Variants in SCGB2B2 observed in about 807,000 individuals in gnomAD.
SCGB2B2 encodes secretoglobin family 2B member 2.
Under a neutral mutation model 7.6 loss-of-function variants are expected in SCGB2B2, and 11 were observed. The ratio of observed to expected loss-of-function variants is 1.45; its 90% CI spans 0.91 to 2.40. The LOEUF (loss-of-function observed/expected upper bound fraction) is 2.40. Among genes scored for constraint, SCGB2B2 ranks in the 30% most tolerant of loss-of-function variants. The pLI is 0.00. For missense variants in SCGB2B2, 104 were observed against 115.4 expected (o/e 0.90, Z 0.45); for synonymous variants, 50 against 48.6 (o/e 1.03, Z -0.12).
chr19:34,671,781 TA>T (rs2067809293), intron 1 of SCGB2B2, among the ~76,000 whole-genome samples: 2 of 152,242 alleles, frequency 1.3e-5, no homozygotes, highest in Non-Finnish European at 2.9e-5. Context: ...TACAGAAGTA[TA>T]ATTTTTTTAA....
At position 34,594,276 on chromosome 19, in the gene SCGB2B2, G is replaced by A. The variant is rs764627469; in HGVS notation, c.145C>T (p.Arg49Cys). Residue 49 changes from arginine to cysteine, a missense_variant, in exon 3 of 4, where the codon CGT (arginine) becomes TGT (cysteine). Coordinates refer to ENST00000601241, the MANE Select transcript of SCGB2B2 (RefSeq NM_001025591.4). ...SQDLLKEELARYNPSPLTEES... is the reference protein window; with the variant it reads ...SQDLLKEELACYNPSPLTEES... The stretch of plus-strand genomic sequence containing the variant: ...TCTGTCAGGGGACTGGGGTTGTAAC[G>A]AGCAAGCTCCTCCTTCAGGAGGTCT... 6.8e-6 allele frequency: 11 copies of A among 1,614,090 alleles called. No homozygotes were observed. In the South Asian group the frequency reaches 1.1e-4, roughly 16 times the overall value.
intron 1 of SCGB2B2, among the ~76,000 whole-genome samples, chr19:34,600,613 T>C (rs989002897): frequency 2.6e-5 from 4 of 152,208 alleles, no homozygotes; most frequent in Admixed American, 2.0e-4. Flanking sequence ...GTGGTTTCCA[T>C]TTGCATTTTC....
downstream of SCGB2B2, among the ~76,000 whole-genome samples, chr19:34,589,834 G>A (rs531630188): frequency 1.4e-4 from 22 of 152,156 alleles, no homozygotes; most frequent in East Asian, 4.3e-3. Flanking sequence ...CCTGAGGAAG[G>A]AGGATCAGGA....
At chr19:34,615,224 T>C (rs1356231691) in intron 1 of SCGB2B2, among the ~76,000 whole-genome samples, 2 of 152,130 alleles carry the variant, frequency 1.3e-5, no homozygotes, top group African/African-American at 4.8e-5. Context: ...GGGCTTCTTC[T>C]CTGGAAGGAA....
intron 1 of SCGB2B2, among the ~76,000 whole-genome samples, chr19:34,597,553 T>C (rs922978481): frequency 2.6e-5 from 4 of 152,274 alleles, no homozygotes; most frequent in Admixed American, 6.5e-5. Context: ...GTTTAGACCA[T>C]CTCTAGGCTT....
chr19:34,663,137 C>A (rs1200340414), intron 1 of SCGB2B2, among the ~76,000 whole-genome samples: 3 of 152,232 alleles, frequency 2.0e-5, no homozygotes, highest in Non-Finnish European at 2.9e-5. Flanking sequence ...GACAATGCCA[C>A]CTTGTGGCGA....
In SCGB2B2 at chr19:34,592,632, G is replaced by T. The variant is rs1413154782; in HGVS notation, c.*923C>A. Among the ~76,000 whole-genome samples, 7 of 152,184 alleles carry T rather than the reference G, an allele frequency of 4.6e-5. No individual in the cohort carries two copies. Among genetic ancestry groups the T allele is most frequent in the Non-Finnish European group, 8.8e-5 (6 of 68,024 alleles). On this transcript the variant is annotated 3_prime_UTR_variant, in exon 4 of 4. Coordinates refer to ENST00000601241, the MANE Select transcript of SCGB2B2 (RefSeq NM_001025591.4). ...AAGGAGTTGATGGAGCCTCATCAGTGTATTGAAGGCCACTGAGACCTCCAT... is the reference window on the plus strand; with the variant it reads ...AAGGAGTTGATGGAGCCTCATCAGTTTATTGAAGGCCACTGAGACCTCCAT...
chr19:34,641,651 A>C (rs201193317), intron 1 of SCGB2B2, among the ~76,000 whole-genome samples: 6 of 40,836 alleles, frequency 1.5e-4, no homozygotes, highest in African/African-American at 1.1e-3. Flanking sequence ...TTGGGTGATC[A>C]CCTTTTCTAT....
At chr19:34,635,500 C>A in intron 1 of SCGB2B2, 1 of 300,464 alleles carries the variant, frequency 3.3e-6, no homozygotes. Flanking sequence ...TAGGCTTTCC[C>A]ACATTCGCTG....
chr19:34,627,919 G>A (rs1167132594), intron 1 of SCGB2B2, among the ~76,000 whole-genome samples: 1 of 152,104 alleles, frequency 6.6e-6, no homozygotes, highest in African/African-American at 2.4e-5. Flanking sequence ...ATAACAAACT[G>A]TCTCTCAGAC....
At position 34,676,242 on chromosome 19, in the gene SCGB2B2, A is replaced by C. The variant is rs1047639545; in HGVS notation, c.-2644T>G. The C allele has an allele frequency of 3.3e-5, 5 of 152,212 alleles. No homozygotes were observed. Among genetic ancestry groups the C allele is most frequent in the African/African-American group, 1.2e-4 (5 of 41,428 alleles). 9.4% of individuals were successfully genotyped at this position (152,212 alleles called of 1,614,324 possible). A position where few individuals can be genotyped will look rare whatever the true frequency, so the allele number is the denominator to read the frequency against. Reference sequence around the variant, plus strand: ...TGTATTTACAATCCTTCAGCTATACAGAAAAGTTCTCCAAGGCCCCACCTG... The same window carrying C: ...TGTATTTACAATCCTTCAGCTATACCGAAAAGTTCTCCAAGGCCCCACCTG... On this transcript the variant is annotated 5_prime_UTR_variant, in exon 1 of 4. Coordinates refer to ENST00000601241, the MANE Select transcript of SCGB2B2 (RefSeq NM_001025591.4).
At chr19:34,666,210 CCTGT>C in intron 1 of SCGB2B2, among the ~76,000 whole-genome samples, 1 of 152,226 alleles carries the variant, frequency 6.6e-6, no homozygotes, top group African/African-American at 2.4e-5. Context: ...TCAATGTCTC[CCTGT>C]CTCTCTCAGA....
In SCGB2B2 at chr19:34,624,889, T is replaced by C. The variant is rs529996182; in HGVS notation, c.-2031-28295A>G. Among the ~76,000 whole-genome samples, 111 of 152,252 alleles carry C rather than the reference T, an allele frequency of 7.3e-4. 1 individual carries two copies. The highest frequency in any genetic ancestry group is 2.3e-3 in the African/African-American group (94 of 41,560). On this transcript the variant is annotated intron_variant, in intron 1 of 3. Transcript: ENST00000601241. ...TGGCAGCCACTCTAGAAGCTTTTAATAGGCTGACAGGGGCCCAGTGTTTTG... is the reference window on the plus strand; with the variant it reads ...TGGCAGCCACTCTAGAAGCTTTTAACAGGCTGACAGGGGCCCAGTGTTTTG...
rs2065380818 is a variant in SCGB2B2, at chr19:34,594,289, C to T, written c.132G>A (p.Lys44=). ...TGGGGTTGTAACGAGCAAGCTCCTC[C>T]TTCAGGAGGTCTTGGGACACATCAA... ...VVFDVSQDLL[K]EELARYNPSP... Residue 44 remains lysine, a synonymous_variant, in exon 3 of 4, where the codon AAG becomes AAA. Coordinates refer to ENST00000601241, the MANE Select transcript of SCGB2B2 (RefSeq NM_001025591.4). 1 of 1,614,154 alleles carries T rather than the reference C, an allele frequency of 6.2e-7. No individual in the cohort carries two copies. Among genetic ancestry groups the T allele is most frequent in the Non-Finnish European group, 8.5e-7 (1 of 1,180,006 alleles).
intron 1 of SCGB2B2, among the ~76,000 whole-genome samples, chr19:34,660,823 A>T (rs567801794): frequency 7.9e-5 from 12 of 152,344 alleles, no homozygotes; most frequent in African/African-American, 2.6e-4. Context: ...ACACATGTAC[A>T]CATATGTTTA....
rs71165678 is a variant in SCGB2B2 at position 34,661,829 on chromosome 19, ATT to A, written c.-2032+13799_-2032+13800del. Among the ~76,000 whole-genome samples the A allele has an allele frequency of 9.7e-4, 143 of 147,844 alleles. 1 individual carries two copies. The highest frequency in any genetic ancestry group is 3.3e-3 in the African/African-American group (135 of 40,508). On this transcript the variant is annotated intron_variant, in intron 1 of 3. Transcript: ENST00000601241. ...TAAAAACATTATGAGTTTTTCTGTG[ATT>A]TTTTTTTTTAGCTCATTAGCTATTG...
chr19:34,672,420 T>A (rs575078289), intron 1 of SCGB2B2, among the ~76,000 whole-genome samples: 1 of 152,238 alleles, frequency 6.6e-6, no homozygotes, highest in African/African-American at 2.4e-5. Flanking sequence ...GAATCTGTCA[T>A]TGATTTGAGA....
chr19:34,638,119 C>T (rs1346708102), intron 1 of SCGB2B2: 1 of 142,964 alleles, frequency 7.0e-6, no homozygotes, highest in Non-Finnish European at 1.6e-5. Context: ...CACCCTCAGT[C>T]TTCTGGAAAG....
rs1397610574 is a variant in SCGB2B2 at position 34,634,358 on chromosome 19, G to C, written c.-2031-37764C>G. On this transcript the variant is annotated intron_variant, in intron 1 of 3. Coordinates refer to ENST00000601241, the MANE Select transcript of SCGB2B2 (RefSeq NM_001025591.4). The stretch of plus-strand genomic sequence containing the variant: ...ACCCTGGGTAACCTAAGGTACACTT[G>C]CCAGCTGGTAGAGGTGAAATGGCTT... 2.6e-5 allele frequency among the ~76,000 whole-genome samples: 4 copies of C among 152,140 alleles called. No homozygotes were observed. In the East Asian group the frequency reaches 7.7e-4, roughly 29 times the overall value.
Sources: gnomAD v4.1 joint callset for allele counts (sites outside exome capture counted in the v4.1 genomes callset) on GRCh38, gnomAD v4.1.1 for gene constraint, MANE v1.5 for transcripts, NCBI Gene and HGNC (gene_info 2026-07-23, HGNC 2026-07-21) for gene names.